The following KCNMB2 variants were observed in gnomAD, a reference collection of about 807,000 sequenced individuals.
KCNMB2 encodes the protein potassium calcium-activated channel subfamily M regulatory beta subunit 2, also known as calcium-activated potassium channel subunit beta-2.
Under a neutral mutation model 24.5 loss-of-function variants are expected in KCNMB2, and 9 were observed. That is an observed-to-expected ratio of 0.37 (90% CI 0.22 to 0.64). KCNMB2 has a LOEUF of 0.64. KCNMB2 is among the 30% of genes least tolerant of loss of function. The pLI, the probability that KCNMB2 is intolerant of heterozygous loss-of-function variation, is 0.63. For synonymous variants in KCNMB2, 109 were observed against 104.4 expected (o/e 1.04, Z -0.27); for missense variants, 226 against 284.3 (o/e 0.79, Z 1.47).
chr3:178,765,847 T>C (rs1251430540), intron 1 of KCNMB2, among the ~76,000 whole-genome samples: 2 of 152,194 alleles, frequency 1.3e-5, no homozygotes, highest in Non-Finnish European at 2.9e-5. Context: ...ATCTCTATTA[T>C]CATCACATTT....
chr3:178,665,502 T>C (rs1210806421), intron 1 of KCNMB2, among the ~76,000 whole-genome samples: 1 of 152,204 alleles, frequency 6.6e-6, no homozygotes, highest in Non-Finnish European at 1.5e-5. Flanking sequence ...CTTTATAGTG[T>C]TTCAAAACCA....
chr3:178,555,209 CAT>C (rs1716083294), intron 1 of KCNMB2, among the ~76,000 whole-genome samples: 2 of 152,202 alleles, frequency 1.3e-5, no homozygotes, highest in Non-Finnish European at 2.9e-5. Context: ...CTGAACAGAA[CAT>C]CTTACTCTTT....
intron 4 of KCNMB2, among the ~76,000 whole-genome samples, chr3:178,836,902 T>C (rs115582071): frequency 0.012 from 1,889 of 152,282 alleles, 29 homozygotes; most frequent in African/African-American, 0.044. Context: ...TTTTGTTTAT[T>C]GAAATGCATT....
chr3:178,714,713 T>A (rs1722563132), intron 1 of KCNMB2, among the ~76,000 whole-genome samples: 1 of 152,230 alleles, frequency 6.6e-6, no homozygotes, highest in Non-Finnish European at 1.5e-5. Flanking sequence ...AGTTTTGCTC[T>A]GGTGAAGGCT....
intron 1 of KCNMB2, among the ~76,000 whole-genome samples, chr3:178,705,945 G>A (rs1380141170): frequency 6.6e-6 from 1 of 152,128 alleles, no homozygotes; most frequent in Non-Finnish European, 1.5e-5. Context: ...AGGCACAAAT[G>A]TAGAAGACAT....
intron 1 of KCNMB2, among the ~76,000 whole-genome samples, chr3:178,654,278 G>A (rs900150971): frequency 2.0e-5 from 3 of 151,976 alleles, no homozygotes; most frequent in Middle Eastern, 3.2e-3. Flanking sequence ...TCTTTTCAAC[G>A]AAGGAGATTT....
chr3:178,703,452 T>C (rs1168152757), intron 1 of KCNMB2, among the ~76,000 whole-genome samples: 1 of 152,136 alleles, frequency 6.6e-6, no homozygotes, highest in Non-Finnish European at 1.5e-5. Context: ...GGCCTCCTGC[T>C]GGTCATTTCA....
intron 1 of KCNMB2, among the ~76,000 whole-genome samples, chr3:178,764,527 T>C (rs1397875396): frequency 1.3e-5 from 2 of 152,206 alleles, no homozygotes; most frequent in Admixed American, 1.3e-4. Context: ...AAGTGTGTAG[T>C]AGGATATACC....
intron 1 of KCNMB2, among the ~76,000 whole-genome samples, chr3:178,580,944 A>C (rs566169257): frequency 1.2e-4 from 18 of 152,334 alleles, no homozygotes; most frequent in African/African-American, 4.3e-4. Context: ...CATAATGCCC[A>C]AAATAATTTA....
chr3:178,759,995 TA>T (rs1711708974), intron 1 of KCNMB2, among the ~76,000 whole-genome samples: 1 of 34,590 alleles, frequency 2.9e-5, no homozygotes, highest in Non-Finnish European at 4.8e-5. Flanking sequence ...AGAGGATATA[TA>T]TATATATATA....
rs1245990346 is a variant in KCNMB2, at chr3:178,614,333, GTATATATATATATGTATA to G, written c.-68+77630_-68+77647del. Reference sequence around the variant, plus strand: ...TATGTATGTGTATATATATATGTATGTATATATATATATGTATATATATATGAGATTTAATGGACTCAC... The same window carrying G: ...TATGTATGTGTATATATATATGTATGTATATATGAGATTTAATGGACTCAC... On this transcript the variant is annotated intron_variant, in intron 1 of 4. Transcript: ENST00000452583. 2.8e-5 allele frequency among the ~76,000 whole-genome samples: 3 copies of G among 108,568 alleles called. No individual in the cohort carries two copies. The East Asian group carries it at 8.3e-4, about 30-fold the overall frequency. The allele number at this position is 108,568 out of a possible 152,430, so 71.2% of individuals were successfully genotyped here.
chr3:178,582,671 T>A (rs544278380), intron 1 of KCNMB2, among the ~76,000 whole-genome samples: 10 of 152,304 alleles, frequency 6.6e-5, no homozygotes, highest in Admixed American at 2.6e-4. Context: ...CATCTATCAC[T>A]AATTTTTTTT....
intron 1 of KCNMB2, among the ~76,000 whole-genome samples, chr3:178,588,313 G>A (rs1414239452): frequency 6.6e-6 from 1 of 152,042 alleles, no homozygotes; most frequent in Non-Finnish European, 1.5e-5. Flanking sequence ...AAGCAAAAGA[G>A]TCCTATTAGT....
chr3:178,733,023 T>A (rs866970308), intron 1 of KCNMB2, among the ~76,000 whole-genome samples: 1 of 152,130 alleles, frequency 6.6e-6, no homozygotes, highest in Non-Finnish European at 1.5e-5. Context: ...GCGCAATAAA[T>A]ATTTAGGGTT....
intron 1 of KCNMB2, among the ~76,000 whole-genome samples, chr3:178,570,415 T>C (rs1716731052): frequency 6.6e-6 from 1 of 151,822 alleles, no homozygotes; most frequent in Non-Finnish European, 1.5e-5. Context: ...TCAAGAAGAC[T>C]AGAAACTTAC....
At chr3:178,704,659 G>A (rs1722219369) in intron 1 of KCNMB2, among the ~76,000 whole-genome samples, 1 of 152,124 alleles carries the variant, frequency 6.6e-6, no homozygotes, top group African/African-American at 2.4e-5. Context: ...CTTGTTGGAA[G>A]GGAGAACAAG....
chr3:178,647,067 A>G (rs564420055), intron 1 of KCNMB2, among the ~76,000 whole-genome samples: 362 of 152,306 alleles, frequency 2.4e-3, no homozygotes, highest in Non-Finnish European at 4.4e-3. Context: ...TGCTACATCA[A>G]TTTATAATCT....
intron 1 of KCNMB2, among the ~76,000 whole-genome samples, chr3:178,641,327 G>A (rs1033507366): frequency 7.9e-5 from 12 of 151,930 alleles, no homozygotes; most frequent in Non-Finnish European, 1.5e-4. Context: ...CAATAAATGG[G>A]GATATCTCTA....
At chr3:178,715,509 G>C (rs147546475) in intron 1 of KCNMB2, among the ~76,000 whole-genome samples, 1,999 of 151,930 alleles carry the variant, frequency 0.013, 27 homozygotes, top group Non-Finnish European at 0.016. Flanking sequence ...ATGTCTCCCT[G>C]TGTCTTTGAG....
Sources: allele counts gnomAD v4.1 joint callset (sites outside exome capture counted in the v4.1 genomes callset), GRCh38; gene constraint gnomAD v4.1.1; transcripts MANE v1.5; gene names NCBI Gene and HGNC (gene_info 2026-07-23, HGNC 2026-07-21).